The following SLC6A15 variants were observed in gnomAD, a reference collection of about 807,000 sequenced individuals.
SLC6A15 encodes solute carrier family 6 member 15, also known as sodium-dependent neutral amino acid transporter B(0)AT2.
Under a neutral mutation model 68.5 loss-of-function variants are expected in SLC6A15, and 33 were observed. The observed-to-expected ratio is 0.48, with a 90% CI of 0.37 to 0.64. SLC6A15 has a LOEUF of 0.64. SLC6A15 is among the 30% of genes least tolerant of loss of function. SLC6A15 has a pLI of 0.00. For missense variants in SLC6A15, 747 were observed against 874.3 expected, an observed-to-expected ratio of 0.85 and a Z score of 1.84; for synonymous variants, 347 against 301.0, an observed-to-expected ratio of 1.15 and a Z score of -1.58.
At chr12:84,882,104 G>A (rs141461251) in intron 5 of SLC6A15, 16 of 985,382 alleles carry the variant, frequency 1.6e-5, no homozygotes, top group Middle Eastern at 5.2e-4. Context: ...TTCTTTAAGT[G>A]ATGCTAAGAC....
chr12:84,892,388 T>G, intron 1 of SLC6A15, 80 bp from the exon 2 acceptor site: 1 of 282,380 alleles, frequency 3.5e-6, no homozygotes, highest in African/African-American at 2.2e-5. Flanking sequence ...TTTATTTTTA[T>G]GATAGAAACC....
chr12:84,890,204 A>G (rs1324965430), intron 2 of SLC6A15, among the ~76,000 whole-genome samples: 1 of 152,194 alleles, frequency 6.6e-6, no homozygotes, highest in African/African-American at 2.4e-5. Context: ...AAGAAATAAT[A>G]CTAGAAAAGA....
At chr12:84,863,751 T>C in intron 10 of SLC6A15, 150 bp from the exon 11 acceptor site, 1 of 492,698 alleles carries the variant, frequency 2.0e-6, no homozygotes, top group East Asian at 3.7e-5. Flanking sequence ...AAGATGACTA[T>C]AAAGTAAAAT....
Position 84,873,307 on chromosome 12 carries a change from T to G in SLC6A15, c.889A>C (p.Lys297Gln). Residue 297 changes from lysine to glutamine, a missense_variant, in exon 7 of 12, where the codon AAG becomes CAG. Physicochemically the swap from Lys to Gln is moderately conservative, Grantham distance 53. Coordinates refer to ENST00000266682, the MANE Select transcript of SLC6A15 (RefSeq NM_182767.6). ...TPKLEIMLEP[K>Q]VWREAATQVF... ...TGAGTAGCAGCTTCTCTCCAGACCT[T>G]GGGCTCCAGCATTATTTCAAGCTGT... 6.2e-7 allele frequency: 1 copy of G among 1,614,058 alleles called. No homozygotes were observed. Among genetic ancestry groups the G allele is most frequent in the Non-Finnish European group, 8.5e-7 (1 of 1,179,972 alleles).
At chr12:84,892,777 C>A (rs1006613126) in intron 1 of SLC6A15, among the ~76,000 whole-genome samples, 1 of 152,054 alleles carries the variant, frequency 6.6e-6, no homozygotes, top group Non-Finnish European at 1.5e-5. Context: ...TTGTTCTTCT[C>A]AAAAATTTAA....
intron 1 of SLC6A15, among the ~76,000 whole-genome samples, chr12:84,910,919 C>CT (rs1873405553): frequency 1.5e-5 from 2 of 135,118 alleles, no homozygotes; most frequent in Non-Finnish European, 1.5e-5. Context: ...TGTTGAGCCG[C>CT]CCTCTTTCCG....
chr12:84,911,895 G>A (rs1873484081), intron 1 of SLC6A15: 1 of 152,284 alleles, frequency 6.6e-6, no homozygotes, highest in Non-Finnish European at 1.5e-5. Flanking sequence ...CGTGCCTTTC[G>A]TACGGCGAAA....
rs781533437 is a variant in SLC6A15 at position 84,867,062 on chromosome 12, C to A, written c.1627G>T (p.Ala543Ser). 8.1e-6 allele frequency: 13 copies of A among 1,608,714 alleles called. No homozygotes were observed. Among genetic ancestry groups the A allele is most frequent in the Admixed American group, 6.7e-5 (4 of 59,310 alleles). Residue 543 changes from alanine (A) to serine (S), a missense_variant, in exon 10 of 12, where the codon GCT becomes TCT. Physicochemically the swap from Ala to Ser is moderately conservative, Grantham distance 99 (BLOSUM62 1). Transcript: ENST00000266682. ...TCTATGCCATAAACAAAGCATACAG[C>A]AATATTCTCCAAAATGACTACAATT... Reference protein sequence around the residue: ...LLIVVILENIAVCFVYGIDKF... With the variant: ...LLIVVILENISVCFVYGIDKF...
intron 5 of SLC6A15, 118 bp from the exon 6 acceptor site, chr12:84,876,725 A>C: frequency 1.9e-6 from 1 of 513,148 alleles, no homozygotes; most frequent in Non-Finnish European, 3.4e-6. Context: ...GATTAATAAA[A>C]CTATTAATAA....
chr12:84,895,030 T>C (rs1328741166), intron 1 of SLC6A15, among the ~76,000 whole-genome samples: 1 of 152,060 alleles, frequency 6.6e-6, no homozygotes, highest in Non-Finnish European at 1.5e-5. Flanking sequence ...TCCTTAATGA[T>C]ATTATAAATA....
chr12:84,883,215 T>C, intron 5 of SLC6A15: 2 of 983,966 alleles, frequency 2.0e-6, no homozygotes, highest in Non-Finnish European at 2.4e-6. Context: ...TCCTAGAGCG[T>C]CCTTTAAAAA....
chr12:84,862,665 A>G (rs1870902897), intron 11 of SLC6A15, among the ~76,000 whole-genome samples: 1 of 152,200 alleles, frequency 6.6e-6, no homozygotes, highest in South Asian at 2.1e-4. Flanking sequence ...TGAAATAGTT[A>G]TTGCTAATAT....
At chr12:84,892,792 G>GTTTAT (rs1319155358) in intron 1 of SLC6A15, among the ~76,000 whole-genome samples, 2 of 151,890 alleles carry the variant, frequency 1.3e-5, no homozygotes, top group Admixed American at 1.3e-4. Context: ...ATTTAACCTA[G>GTTTAT]TTTATTTTAT....
chr12:84,899,398 G>A (rs1164194477), intron 1 of SLC6A15, among the ~76,000 whole-genome samples: 1 of 152,130 alleles, frequency 6.6e-6, no homozygotes, highest in Admixed American at 6.5e-5. Context: ...TTTTAATCTT[G>A]AGGAGAGGCA....
At chr12:84,906,444 T>C (rs1043913042) in intron 1 of SLC6A15, among the ~76,000 whole-genome samples, 2 of 152,318 alleles carry the variant, frequency 1.3e-5, no homozygotes, top group Non-Finnish European at 2.9e-5. Context: ...TTTCAAAATT[T>C]ATATGAACAG....
intron 5 of SLC6A15, among the ~76,000 whole-genome samples, chr12:84,879,536 G>C (rs1871723907): frequency 6.6e-6 from 1 of 151,574 alleles, no homozygotes; most frequent in African/African-American, 2.4e-5. Flanking sequence ...GTTTTGCCCA[G>C]GCTGGTCTCA....
intron 5 of SLC6A15, among the ~76,000 whole-genome samples, chr12:84,879,926 C>T (rs181796116): frequency 5.3e-5 from 8 of 152,244 alleles, no homozygotes; most frequent in Admixed American, 2.0e-4. Context: ...TTTCTTCCTG[C>T]ACACAATTCC....
chr12:84,893,830 G>A (rs923915879), intron 1 of SLC6A15, among the ~76,000 whole-genome samples: 22 of 152,272 alleles, frequency 1.4e-4, no homozygotes, highest in African/African-American at 4.6e-4. Context: ...TATACCCTAA[G>A]AGCAAACACT....
In SLC6A15 at chr12:84,860,726, T is replaced by A. The variant is rs1870810958; in HGVS notation, c.*906A>T. Reference sequence around the variant, plus strand: ...TTAACAATCACTTAAAAATGATTTATATTTGCATAAAACAGAAGCAAAACA... The same window carrying A: ...TTAACAATCACTTAAAAATGATTTAAATTTGCATAAAACAGAAGCAAAACA... On this transcript the variant is annotated 3_prime_UTR_variant, in exon 12 of 12. Transcript: ENST00000266682. 6.6e-6 allele frequency: 1 copy of A among 152,190 alleles called. No homozygotes were observed. Among genetic ancestry groups the A allele is most frequent in the Non-Finnish European group, 1.5e-5 (1 of 68,014 alleles). The allele number at this position is 152,190 out of a possible 1,614,324, so 9.4% of individuals were successfully genotyped here.
Sources: gnomAD v4.1 joint callset for allele counts (sites outside exome capture counted in the v4.1 genomes callset) on GRCh38, gnomAD v4.1.1 for gene constraint, MANE v1.5 for transcripts, NCBI Gene and HGNC (gene_info 2026-07-23, HGNC 2026-07-21) for gene names.